Variants in CLEC16A observed in about 807,000 individuals in gnomAD.
CLEC16A encodes the protein protein CLEC16A.
CLEC16A carries 51 observed loss-of-function variants against 109.5 expected under a neutral mutation model. The ratio of observed to expected loss-of-function variants is 0.47; its 90% CI spans 0.37 to 0.59. The LOEUF is 0.59. CLEC16A is among the 20% of genes least tolerant of loss of function. The probability of loss-of-function intolerance (pLI) is 0.00; values close to 1 mark genes in which losing one functional copy is unlikely to be tolerated. For synonymous variants in CLEC16A, 673 were observed against 564.2 expected (o/e 1.19, Z -2.73); for missense variants, 1,339 against 1,394.0 (o/e 0.96, Z 0.63).
At chr16:11,034,917 G>T (rs183375654) in intron 13 of CLEC16A, among the ~76,000 whole-genome samples, 2 of 152,162 alleles carry the variant, frequency 1.3e-5, no homozygotes, top group African/African-American at 4.8e-5. Flanking sequence ...GAGTGTCTGT[G>T]TGTGTATGAG....
chr16:11,144,099 G>A (rs1052519400), intron 22 of CLEC16A, among the ~76,000 whole-genome samples: 6 of 152,148 alleles, frequency 3.9e-5, no homozygotes, highest in South Asian at 2.1e-4. Flanking sequence ...TAGCCCTGTC[G>A]CTCGGCACTT....
At chr16:11,013,658 C>T (rs1390328831) in intron 11 of CLEC16A, among the ~76,000 whole-genome samples, 2 of 152,104 alleles carry the variant, frequency 1.3e-5, no homozygotes, top group Non-Finnish European at 2.9e-5. Context: ...TTCGGGGAGG[C>T]TGAGGCTGGA....
At chr16:11,004,814 G>A (rs537095952) in intron 11 of CLEC16A, among the ~76,000 whole-genome samples, 4 of 151,794 alleles carry the variant, frequency 2.6e-5, no homozygotes, top group Non-Finnish European at 5.9e-5. Flanking sequence ...TCTTATTTCT[G>A]TTTAAAGTGT....
intron 11 of CLEC16A, among the ~76,000 whole-genome samples, chr16:11,006,788 T>A (rs1246496331): frequency 6.6e-6 from 1 of 152,106 alleles, no homozygotes; most frequent in Non-Finnish European, 1.5e-5. Flanking sequence ...GACAAGGAAG[T>A]TGTGTGAAAT....
Position 10,961,572 on chromosome 16 carries a change from G to A in CLEC16A, c.210-883G>A, listed in dbSNP as rs1416914984. On this transcript the variant is annotated intron_variant, in intron 2 of 23. Coordinates refer to ENST00000409790, the MANE Select transcript of CLEC16A (RefSeq NM_015226.3). This position sits in a 1 kb window ranked among gnomAD's most constrained non-coding sequence, Gnocchi z 4.3. ...CCTTTTCAAGACTGAAAGAGCCAAC[G>A]TGTACCCCCAGAAGCCAGTGCCGCT... Among the ~76,000 whole-genome samples the A allele has an allele frequency of 7.9e-5, 12 of 152,178 alleles. No individual in the cohort carries two copies. Among genetic ancestry groups the A allele is most frequent in the Non-Finnish European group, 1.8e-4 (12 of 68,032 alleles).
intron 22 of CLEC16A, among the ~76,000 whole-genome samples, chr16:11,127,522 A>G (rs1223204070): frequency 6.6e-6 from 1 of 152,230 alleles, no homozygotes; most frequent in African/African-American, 2.4e-5. Context: ...TCTAGAAAAC[A>G]GTACACCAAT....
At chr16:11,057,372 G>A (rs371113508) in intron 18 of CLEC16A, among the ~76,000 whole-genome samples, 254 of 152,348 alleles carry the variant, frequency 1.7e-3, no homozygotes, top group Non-Finnish European at 2.5e-3. Flanking sequence ...GTGCCATCCC[G>A]TTGTACCTGC....
chr16:11,133,643 C>A (rs796414002), intron 22 of CLEC16A, among the ~76,000 whole-genome samples: 8 of 152,314 alleles, frequency 5.3e-5, no homozygotes, highest in African/African-American at 1.9e-4. Flanking sequence ...TCAGTTCAGA[C>A]CTCCCCTGAG....
Position 11,178,922 on chromosome 16 carries a change from C to G in CLEC16A, c.*232C>G, listed in dbSNP as rs149865668. 8.3e-6 allele frequency: 4 copies of G among 481,932 alleles called. No homozygotes were observed. Among genetic ancestry groups the G allele is most frequent in the Non-Finnish European group, 1.5e-5 (4 of 275,198 alleles). The allele number at this position is 481,932 out of a possible 1,614,324, so 29.9% of individuals were successfully genotyped here. On this transcript the variant is annotated 3_prime_UTR_variant, in exon 24 of 24. Coordinates refer to ENST00000409790, the MANE Select transcript of CLEC16A (RefSeq NM_015226.3). This position sits in a 1 kb window ranked among gnomAD's most constrained non-coding sequence, Gnocchi z 6.5. ...GCTGGGACCAGCGGAGACACCGCGG[C>G]GAATGCAGATGACTGCACCGGCCAC...
At chr16:10,965,977 C>T (rs2042482315) in intron 3 of CLEC16A, among the ~76,000 whole-genome samples, 1 of 152,166 alleles carries the variant, frequency 6.6e-6, no homozygotes. Flanking sequence ...CTGGAAGCCA[C>T]TAGCCAGTCA....
intron 10 of CLEC16A, among the ~76,000 whole-genome samples, chr16:10,998,365 G>T (rs989170041): frequency 6.6e-6 from 1 of 152,300 alleles, no homozygotes. Flanking sequence ...CAGCAAAGAG[G>T]CTCCTTCCCT....
intron 1 of CLEC16A, among the ~76,000 whole-genome samples, chr16:10,950,461 A>G (rs547054594): frequency 2.0e-5 from 3 of 152,344 alleles, no homozygotes; most frequent in Non-Finnish European, 4.4e-5. Flanking sequence ...CTCTAGGGCT[A>G]AAGCCCTAAA....
At chr16:11,025,973 C>A (rs931971905) in intron 13 of CLEC16A, among the ~76,000 whole-genome samples, 1 of 152,130 alleles carries the variant, frequency 6.6e-6, no homozygotes, top group Non-Finnish European at 1.5e-5. Flanking sequence ...AATGGAGATA[C>A]CCATATTGTG....
At chr16:11,060,733 T>C (rs1412331635) in intron 18 of CLEC16A, among the ~76,000 whole-genome samples, 169 bp from the exon 19 acceptor site, 1 of 150,932 alleles carries the variant, frequency 6.6e-6, no homozygotes, top group Non-Finnish European at 1.5e-5. Flanking sequence ...TTTTTTTTTC[T>C]GTCTTGTTAT....
At chr16:11,010,640 C>G (rs1020119153) in intron 11 of CLEC16A, among the ~76,000 whole-genome samples, 1 of 152,178 alleles carries the variant, frequency 6.6e-6, no homozygotes, top group Non-Finnish European at 1.5e-5. Flanking sequence ...TTAAGGTGTT[C>G]TCATTCATGA....
At chr16:10,983,806 C>G (rs1428048177) in intron 10 of CLEC16A, among the ~76,000 whole-genome samples, 1 of 152,066 alleles carries the variant, frequency 6.6e-6, no homozygotes, top group Non-Finnish European at 1.5e-5. Context: ...GCGCCTTTAC[C>G]GTACCTACAG....
chr16:10,998,479 T>G (rs2044463670), intron 10 of CLEC16A, among the ~76,000 whole-genome samples: 1 of 152,188 alleles, frequency 6.6e-6, no homozygotes, highest in Non-Finnish European at 1.5e-5. Context: ...TGCAGAATAC[T>G]TTTCCCTGGG....
intron 19 of CLEC16A, among the ~76,000 whole-genome samples, chr16:11,101,441 TCCCTGCATGTCCTTGACTGTCGCA>T (rs2050908186): frequency 6.6e-6 from 1 of 152,210 alleles, no homozygotes; most frequent in Non-Finnish European, 1.5e-5. Context: ...ACATGCCCCT[TCCCTGCATGTCCTTGACTGTCGCA>T]CTCTGCGTGT....
At chr16:11,134,635 G>C (rs545396056) in intron 22 of CLEC16A, among the ~76,000 whole-genome samples, 1 of 152,282 alleles carries the variant, frequency 6.6e-6, no homozygotes, top group South Asian at 2.1e-4. Context: ...CTTACTTACT[G>C]GTTTAGCTTC....
Sources: gnomAD v4.1 joint callset for allele counts (sites outside exome capture counted in the v4.1 genomes callset) on GRCh38, gnomAD v4.1.1 for gene constraint, Gnocchi (gnomAD v3.1) non-coding constraint, MANE v1.5 for transcripts, NCBI Gene and HGNC (gene_info 2026-07-23, HGNC 2026-07-21) for gene names.